The following DOCK2 variants were observed in gnomAD, a reference collection of about 807,000 sequenced individuals.
DOCK2 encodes the protein dedicator of cytokinesis 2, also known as dedicator of cytokinesis protein 2.
DOCK2 carries 87 observed loss-of-function variants against 248.9 expected under a neutral mutation model. The observed-to-expected ratio is 0.35, with a 90% CI of 0.29 to 0.42. DOCK2 has a LOEUF of 0.42. DOCK2 is among the 10% of genes least tolerant of loss of function. DOCK2 has a pLI of 1.00. For missense variants in DOCK2, 1,747 were observed against 2,300.2 expected (o/e 0.76, Z 4.92); for synonymous variants, 805 against 821.6 (o/e 0.98, Z 0.35).
At chr5:169,784,761 T>TCCC (rs1308495770) in intron 25 of DOCK2, among the ~76,000 whole-genome samples, 1 of 152,234 alleles carries the variant, frequency 6.6e-6, no homozygotes, top group Non-Finnish European at 1.5e-5. Context: ...ATATCTTCCA[T>TCCC]TTATGGCAAA....
At chr5:170,050,501 C>A in intron 41 of DOCK2, 104 bp downstream of exon 41, 1 of 1,368,064 alleles carries the variant, frequency 7.3e-7, no homozygotes, top group Non-Finnish European at 9.9e-7. Flanking sequence ...CTGCCAGAAT[C>A]ATTGCAGTGG....
At position 169,764,724 on chromosome 5, in the gene DOCK2, C is replaced by T. The variant is rs150915470; in HGVS notation, c.2554+3099C>T. On this transcript the variant is annotated intron_variant, in intron 25 of 51. Transcript: ENST00000520908. The surrounding 1 kb of genome is among the most constrained non-coding windows in gnomAD (Gnocchi z 4.3). ...TCCTTGCAATAAGGGCATCCCTTAA[C>T]GTTTGATAGTTGCACACAACCCTCA... Among the ~76,000 whole-genome samples the T allele has an allele frequency of 4.1e-4, 62 of 152,254 alleles. No homozygotes were observed. Among genetic ancestry groups the T allele is most frequent in the Admixed American group, 3.4e-3 (52 of 15,296 alleles).
At chr5:169,825,996 A>C (rs1198664005) in intron 26 of DOCK2, among the ~76,000 whole-genome samples, 2 of 152,092 alleles carry the variant, frequency 1.3e-5, no homozygotes, top group African/African-American at 4.8e-5. Context: ...GAGATGACGT[A>C]GCACATCTAT....
intron 26 of DOCK2, among the ~76,000 whole-genome samples, chr5:169,816,131 A>G (rs938701368): frequency 6.6e-6 from 1 of 152,182 alleles, no homozygotes; most frequent in Non-Finnish European, 1.5e-5. Context: ...TGCTGAGGGA[A>G]CTATAACTTT....
chr5:169,753,544 C>A (rs1764024083), intron 23 of DOCK2, among the ~76,000 whole-genome samples: 1 of 152,182 alleles, frequency 6.6e-6, no homozygotes, highest in Non-Finnish European at 1.5e-5. Flanking sequence ...AAGTAACTTA[C>A]CTTGGCTGAA....
intron 1 of DOCK2, among the ~76,000 whole-genome samples, chr5:169,648,515 G>A (rs987381611): frequency 6.6e-6 from 1 of 152,292 alleles, no homozygotes; most frequent in East Asian, 1.9e-4. Flanking sequence ...AAAGCACCTG[G>A]CACAGTGCTG....
intron 27 of DOCK2, among the ~76,000 whole-genome samples, chr5:169,885,933 A>C (rs1772944867): frequency 6.6e-6 from 1 of 152,138 alleles, no homozygotes; most frequent in African/African-American, 2.4e-5. Flanking sequence ...AAGCTTAGAG[A>C]GGGTAAGTAC....
At position 170,037,157 on chromosome 5, in the gene DOCK2, CTT is replaced by C. The variant is rs537288055; in HGVS notation, c.3665+603_3665+604del. ...ATACTTATTACAAAACAAAAATAAACTTATAAAATATGGGCAAGCAACACAAC... is the reference window on the plus strand; with the variant it reads ...ATACTTATTACAAAACAAAAATAAACATAAAATATGGGCAAGCAACACAAC... On this transcript the variant is annotated intron_variant, in intron 36 of 51. Transcript: ENST00000520908. Among the ~76,000 whole-genome samples, 242 of 151,834 alleles carry C rather than the reference CTT, an allele frequency of 1.6e-3. 1 individual carries two copies. Among genetic ancestry groups the C allele is most frequent in the Middle Eastern group, 6.8e-3 (2 of 294 alleles).
intron 26 of DOCK2, among the ~76,000 whole-genome samples, chr5:169,828,457 G>C (rs80317341): frequency 6.6e-6 from 1 of 152,134 alleles, no homozygotes; most frequent in African/African-American, 2.4e-5. Context: ...TGTGGGAGAA[G>C]TCCATTTTGA....
intron 27 of DOCK2, among the ~76,000 whole-genome samples, chr5:169,978,346 A>G (rs1777794069): frequency 8.7e-6 from 1 of 115,328 alleles, no homozygotes; most frequent in African/African-American, 3.4e-5. Flanking sequence ...CTCAGTTCAC[A>G]TGGCACTGCA....
At chr5:169,839,688 T>G (rs1769822098) in intron 26 of DOCK2, among the ~76,000 whole-genome samples, 1 of 152,230 alleles carries the variant, frequency 6.6e-6, no homozygotes, top group African/African-American at 2.4e-5. Context: ...TGTTACAACC[T>G]GACTCACTGT....
chr5:169,790,620 A>G (rs1766277598), intron 25 of DOCK2, among the ~76,000 whole-genome samples: 1 of 152,378 alleles, frequency 6.6e-6, no homozygotes, highest in South Asian at 2.1e-4. Flanking sequence ...TGTAAAATTT[A>G]TAAGTTAGCA....
At chr5:169,638,715 G>C (rs1431197879) in intron 1 of DOCK2, among the ~76,000 whole-genome samples, 4 of 152,198 alleles carry the variant, frequency 2.6e-5, no homozygotes, top group Non-Finnish European at 5.9e-5. Flanking sequence ...CATGCCTTAT[G>C]AGACTGTAGT....
At chr5:169,821,706 T>C (rs1443567332) in intron 26 of DOCK2, among the ~76,000 whole-genome samples, 2 of 152,164 alleles carry the variant, frequency 1.3e-5, no homozygotes, top group Non-Finnish European at 2.9e-5. Flanking sequence ...GAAGAAACTG[T>C]GTCAACTAAT....
In DOCK2 at chr5:169,718,725, T is replaced by G. The variant is rs1022869510; in HGVS notation, c.2201T>G (p.Leu734Arg). ...SSRGEQCEPI[L>R]RTLKALEYVF... ...AGAGGGGAGCAATGTGAGCCAATCC[T>G]AAGAACGCTGAAGGCTTTGGAATAT... The change falls in exon 22 of 52, where the codon CTA (leucine) becomes CGA (arginine). Residue 734 changes from leucine (L) to arginine (R), a missense_variant. Physicochemically the swap from Leu to Arg is moderately radical, Grantham distance 102 (BLOSUM62 -2). Around this residue, in one of 4 missense-constraint regions of DOCK2, gnomAD observed 858 missense variants for 1,183.5 expected, o/e 0.72. Coordinates refer to ENST00000520908, the MANE Select transcript of DOCK2 (RefSeq NM_004946.3). 2 of 1,613,888 alleles carry G rather than the reference T, an allele frequency of 1.2e-6. No homozygotes were observed. Among genetic ancestry groups the G allele is most frequent in the Non-Finnish European group, 8.5e-7 (1 of 1,179,926 alleles).
At chr5:170,062,992 G>C (rs1757381123) in intron 44 of DOCK2, among the ~76,000 whole-genome samples, 2 of 152,134 alleles carry the variant, frequency 1.3e-5, no homozygotes, top group African/African-American at 4.8e-5. Flanking sequence ...ATAACTACAG[G>C]TTTATTAATC....
At chr5:169,818,506 T>C (rs1425769575) in intron 26 of DOCK2, among the ~76,000 whole-genome samples, 1 of 152,204 alleles carries the variant, frequency 6.6e-6, no homozygotes, top group African/African-American at 2.4e-5. Context: ...TCAGCTTATC[T>C]CTCCATGTTT....
At position 170,083,014 on chromosome 5, in the gene DOCK2, C is replaced by T; in HGVS notation, c.*156C>T. The T allele has an allele frequency of 2.2e-6, 2 of 898,964 alleles. No individual in the cohort carries two copies. The highest frequency in any genetic ancestry group is 2.7e-5 in the East Asian group (1 of 37,460). The allele number at this position is 898,964 out of a possible 1,614,324, so 55.7% of individuals were successfully genotyped here. On this transcript the variant is annotated 3_prime_UTR_variant, in exon 52 of 52. Coordinates refer to ENST00000520908, the MANE Select transcript of DOCK2 (RefSeq NM_004946.3). ...CAGAGAGGCCAATCAGGTCCCAGAGCTTGAATGCTAACAAGCCCAGCATCC... is the reference window on the plus strand; with the variant it reads ...CAGAGAGGCCAATCAGGTCCCAGAGTTTGAATGCTAACAAGCCCAGCATCC...
chr5:169,942,741 G>A (rs565518232), intron 27 of DOCK2, among the ~76,000 whole-genome samples: 4 of 152,280 alleles, frequency 2.6e-5, no homozygotes, highest in South Asian at 2.1e-4. Context: ...GAGAGACCAC[G>A]AGGGTTCAGG....
Sources: allele counts gnomAD v4.1 joint callset (sites outside exome capture counted in the v4.1 genomes callset), GRCh38; gene constraint gnomAD v4.1.1; regional missense constraint gnomAD v4.1.1; non-coding constraint Gnocchi (gnomAD v3.1); transcripts MANE v1.5; gene names NCBI Gene and HGNC (gene_info 2026-07-23, HGNC 2026-07-21).